Variants in GABRG3 observed in about 807,000 individuals in gnomAD.
GABRG3 encodes gamma-aminobutyric acid receptor subunit gamma-3.
In GABRG3, 25 loss-of-function variants were observed where a neutral mutation model predicts 48.8. The ratio of observed to expected loss-of-function variants is 0.51; its 90% CI spans 0.37 to 0.72. The LOEUF is 0.72. GABRG3 is among the 30% of genes least tolerant of loss of function. The pLI is 0.00. For missense variants in GABRG3, 394 were observed against 577.9 expected, an observed-to-expected ratio of 0.68 and a Z score of 3.26; for synonymous variants, 227 against 217.6, an observed-to-expected ratio of 1.04 and a Z score of -0.38.
chr15:27,297,755 TA>T (rs1455772900), intron 3 of GABRG3, among the ~76,000 whole-genome samples: 5 of 152,182 alleles, frequency 3.3e-5, no homozygotes, highest in Non-Finnish European at 5.9e-5. Flanking sequence ...TTTAAAAACA[TA>T]GATTATATAA....
intron 2 of GABRG3, among the ~76,000 whole-genome samples, chr15:26,981,606 A>G (rs1895055683): frequency 6.6e-6 from 1 of 152,206 alleles, no homozygotes; most frequent in African/African-American, 2.4e-5. Context: ...GTAGATTCTG[A>G]CCCAAGAGAG....
chr15:27,007,106 G>T (rs1895601029), intron 2 of GABRG3, among the ~76,000 whole-genome samples: 2 of 151,436 alleles, frequency 1.3e-5, no homozygotes, highest in South Asian at 2.1e-4. Flanking sequence ...TTGAGACAGG[G>T]TCTTGTTCTG....
chr15:27,192,035 A>C (rs968794867), intron 3 of GABRG3, among the ~76,000 whole-genome samples: 1 of 151,982 alleles, frequency 6.6e-6, no homozygotes, highest in Admixed American at 6.6e-5. Flanking sequence ...CTTTTCTTTA[A>C]GAATGTTGAA....
Position 27,279,343 on chromosome 15 carries a change from AACATCT to A in GABRG3, c.271-47465_271-47460del, listed in dbSNP as rs1288876891. Among the ~76,000 whole-genome samples the A allele has an allele frequency of 1.6e-4, 25 of 152,312 alleles. No individual in the cohort carries two copies. The East Asian group carries it at 4.6e-3, about 28-fold the overall frequency. On this transcript the variant is annotated intron_variant, in intron 3 of 9. Coordinates refer to ENST00000615808, the MANE Select transcript of GABRG3 (RefSeq NM_033223.5). ...TGTAGAATAGCTCTTCACCTTGCTA[AACATCT>A]TGAAGATTTTCTCTTAGGTTTTCTT...
chr15:27,487,347 C>T (rs566919487), intron 6 of GABRG3, among the ~76,000 whole-genome samples: 1 of 152,266 alleles, frequency 6.6e-6, no homozygotes, highest in Non-Finnish European at 1.5e-5. Flanking sequence ...AATATTTCTA[C>T]ATAAGAGAAT....
intron 3 of GABRG3, among the ~76,000 whole-genome samples, chr15:27,242,601 T>C (rs946486337): frequency 6.6e-6 from 1 of 152,228 alleles, no homozygotes; most frequent in Non-Finnish European, 1.5e-5. Flanking sequence ...AAGTTACTTC[T>C]AGAATCCAAT....
intron 3 of GABRG3, among the ~76,000 whole-genome samples, chr15:27,213,684 T>G (rs1889145694): frequency 6.6e-6 from 1 of 152,206 alleles, no homozygotes; most frequent in African/African-American, 2.4e-5. Flanking sequence ...CTGTAACACT[T>G]ATGCACAGAG....
intron 5 of GABRG3, among the ~76,000 whole-genome samples, chr15:27,359,704 T>A (rs116653288): frequency 6.6e-6 from 1 of 152,322 alleles, no homozygotes; most frequent in African/African-American, 2.4e-5. Flanking sequence ...AACGTTTCCA[T>A]AAGTCGCCGT....
At chr15:27,018,642 A>G (rs1895822847) in intron 2 of GABRG3, among the ~76,000 whole-genome samples, 1 of 152,158 alleles carries the variant, frequency 6.6e-6, no homozygotes, top group Non-Finnish European at 1.5e-5. Flanking sequence ...TTAGCTGTAA[A>G]CCTTATATTT....
chr15:27,421,651 T>C (rs1888117833), intron 5 of GABRG3, among the ~76,000 whole-genome samples: 1 of 143,218 alleles, frequency 7.0e-6, no homozygotes, highest in Admixed American at 7.0e-5. Context: ...AATCCACCAA[T>C]ACTGAGTGTT....
intron 6 of GABRG3, among the ~76,000 whole-genome samples, chr15:27,493,664 G>T (rs1399267940): frequency 6.6e-6 from 1 of 152,130 alleles, no homozygotes; most frequent in Non-Finnish European, 1.5e-5. Flanking sequence ...CTGAAAGATT[G>T]CTCTGAAGTT....
intron 3 of GABRG3, among the ~76,000 whole-genome samples, chr15:27,074,408 C>G (rs1896877573): frequency 6.6e-6 from 1 of 151,952 alleles, no homozygotes; most frequent in Non-Finnish European, 1.5e-5. Flanking sequence ...GTGACCGCTT[C>G]CTTCTGTGCT....
intron 5 of GABRG3, among the ~76,000 whole-genome samples, chr15:27,448,680 G>A (rs1453953489): frequency 6.6e-6 from 1 of 152,148 alleles, no homozygotes; most frequent in Non-Finnish European, 1.5e-5. Context: ...GAAAATGTAT[G>A]TTTGTTGATT....
chr15:27,518,642 G>T (rs149713119), intron 6 of GABRG3, among the ~76,000 whole-genome samples: 1 of 152,246 alleles, frequency 6.6e-6, no homozygotes, highest in African/African-American at 2.4e-5. Flanking sequence ...ATAAAAAGAA[G>T]AGCATGCTAT....
In GABRG3 at chr15:27,304,839, C is replaced by G. The variant is rs554092059; in HGVS notation, c.271-21970C>G. ...ACAGACATCTTTAGGGACTATTATT[C>G]TGTCTACCACAAGTTGAAAGAGTTC... On this transcript the variant is annotated intron_variant, in intron 3 of 9. Coordinates refer to ENST00000615808, the MANE Select transcript of GABRG3 (RefSeq NM_033223.5). Among the ~76,000 whole-genome samples the G allele has an allele frequency of 3.3e-5, 5 of 152,046 alleles. No homozygotes were observed. In the South Asian group the frequency reaches 6.2e-4, roughly 19 times the overall value.
At chr15:27,229,182 G>T (rs764138110) in intron 3 of GABRG3, among the ~76,000 whole-genome samples, 6 of 152,090 alleles carry the variant, frequency 3.9e-5, no homozygotes, top group Non-Finnish European at 7.4e-5. Flanking sequence ...GTCTTCCAGG[G>T]TTGCTATAGT....
intron 3 of GABRG3, among the ~76,000 whole-genome samples, chr15:27,232,048 C>T (rs986198537): frequency 6.6e-6 from 1 of 152,120 alleles, no homozygotes; most frequent in Non-Finnish European, 1.5e-5. Context: ...CATCAATAGG[C>T]TCTCCCAGCT....
chr15:27,141,847 C>T (rs1476088374), intron 3 of GABRG3, among the ~76,000 whole-genome samples: 5 of 152,188 alleles, frequency 3.3e-5, no homozygotes, highest in Non-Finnish European at 7.3e-5. Context: ...TTTGATGATG[C>T]ACTGCCTTTC....
intron 5 of GABRG3, among the ~76,000 whole-genome samples, chr15:27,436,714 G>A (rs984959111): frequency 1.3e-5 from 2 of 152,142 alleles, no homozygotes; most frequent in Non-Finnish European, 2.9e-5. Context: ...ACTGAATGTG[G>A]CTCCTAGTGC....
Sources: allele counts gnomAD v4.1 joint callset (sites outside exome capture counted in the v4.1 genomes callset), GRCh38; gene constraint gnomAD v4.1.1; transcripts MANE v1.5; gene names NCBI Gene and HGNC (gene_info 2026-07-23, HGNC 2026-07-21).